NCKAP5: variants seen among roughly 807,000 people sequenced by gnomAD.
The protein encoded by NCKAP5 is NCK associated protein 5, also known as nck-associated protein 5.
NCKAP5 carries 92 observed loss-of-function variants against 167.0 expected under a neutral mutation model. The ratio of observed to expected loss-of-function variants is 0.55; its 90% CI spans 0.47 to 0.66. The LOEUF is 0.66. Ranked by LOEUF, NCKAP5 falls within the 30% of genes least tolerant of loss-of-function variation. The pLI is 0.00. For synonymous variants in NCKAP5, 891 were observed against 877.4 expected, an observed-to-expected ratio of 1.02 and a Z score of -0.27; for missense variants, 2,378 against 2,315.0, an observed-to-expected ratio of 1.03 and a Z score of -0.56.
rs1381851768 is a variant in NCKAP5, at chr2:133,356,385, A to C, written c.70-53275T>G. Among the ~76,000 whole-genome samples the C allele has an allele frequency of 1.3e-5, 2 of 152,228 alleles. 1 individual carries two copies. Among genetic ancestry groups the C allele is most frequent in the Non-Finnish European group, 2.9e-5 (2 of 68,022 alleles). On this transcript the variant is annotated intron_variant, in intron 3 of 19. Transcript: ENST00000409261. ...TGTGCAGAGATAGTAATATGAGATA[A>C]ACATGGATGATTTAAGGGAGAAACT...
At chr2:132,743,326 G>C (rs1679364812) in intron 16 of NCKAP5, among the ~76,000 whole-genome samples, 1 of 151,672 alleles carries the variant, frequency 6.6e-6, no homozygotes, top group African/African-American at 2.4e-5. Context: ...AAAGAATGGA[G>C]AACACTAGAA....
chr2:133,492,613 A>C (rs1330017438), intron 3 of NCKAP5, among the ~76,000 whole-genome samples: 1 of 152,186 alleles, frequency 6.6e-6, no homozygotes, highest in Non-Finnish European at 1.5e-5. Flanking sequence ...TAATTATTCC[A>C]AGCCTCAGTT....
intron 11 of NCKAP5, among the ~76,000 whole-genome samples, chr2:132,811,735 G>A (rs1348804667): frequency 6.6e-6 from 1 of 152,128 alleles, no homozygotes; most frequent in East Asian, 1.9e-4. Context: ...TTCTTCCCCT[G>A]CCTGTGGAGT....
At position 132,785,310 on chromosome 2, in the gene NCKAP5, T is replaced by A. The variant is rs1244256325; in HGVS notation, c.1501A>T (p.Ser501Cys). Residue 501 changes from serine to cysteine, a missense_variant, in exon 14 of 20, where the codon AGT becomes TGT. This residue lies in a region of NCKAP5 where 1,049 missense variants were observed against 1,023.4 expected (regional missense o/e 1.02). Coordinates refer to ENST00000409261, the MANE Select transcript of NCKAP5 (RefSeq NM_207363.3). ...TCGGAAACACTGTGGGTTAATTTAC[T>A]GCCATGTGGCCTGCAGCTCTGGTTT... The part of the protein sequence containing the change: ...VPNQSCRPHG[S>C]KLTHSVSDSL... 1.2e-6 allele frequency: 2 copies of A among 1,608,698 alleles called. No individual in the cohort carries two copies. The highest frequency in any genetic ancestry group is 1.7e-5 in the Admixed American group (1 of 59,422).
chr2:132,885,114 A>C (rs1692111794), intron 8 of NCKAP5, among the ~76,000 whole-genome samples: 1 of 152,342 alleles, frequency 6.6e-6, no homozygotes, highest in Admixed American at 6.5e-5. Context: ...GTGAAGTTAA[A>C]ATAATCTTGA....
intron 5 of NCKAP5, among the ~76,000 whole-genome samples, chr2:133,139,728 A>G (rs894735331): frequency 8.5e-5 from 13 of 152,168 alleles, no homozygotes; most frequent in Admixed American, 3.9e-4. Flanking sequence ...CCTCACTGTC[A>G]TTCATTAGCA....
intron 11 of NCKAP5, among the ~76,000 whole-genome samples, chr2:132,815,490 A>C (rs1686195592): frequency 6.6e-6 from 1 of 152,210 alleles, no homozygotes; most frequent in African/African-American, 2.4e-5. Context: ...TGCTCCTCAA[A>C]TACCCCATGT....
chr2:133,268,691 C>G (rs1375383152), intron 4 of NCKAP5, among the ~76,000 whole-genome samples: 2 of 152,000 alleles, frequency 1.3e-5, no homozygotes, highest in Non-Finnish European at 2.9e-5. Flanking sequence ...ACCGTGGTCT[C>G]GATCTCCTGA....
intron 4 of NCKAP5, among the ~76,000 whole-genome samples, chr2:133,237,935 A>T (rs1326102061): frequency 6.6e-6 from 1 of 152,212 alleles, no homozygotes; most frequent in Non-Finnish European, 1.5e-5. Flanking sequence ...ATGGAAAGTA[A>T]CCAAGTTAAC....
intron 3 of NCKAP5, among the ~76,000 whole-genome samples, chr2:133,482,888 G>A (rs966905437): frequency 2.0e-5 from 3 of 151,764 alleles, no homozygotes; most frequent in Non-Finnish European, 4.4e-5. Flanking sequence ...TGTCTCTCAT[G>A]TAAGGACCAC....
intron 3 of NCKAP5, among the ~76,000 whole-genome samples, chr2:133,476,441 G>A (rs965155178): frequency 7.2e-5 from 11 of 152,182 alleles, no homozygotes; most frequent in African/African-American, 2.7e-4. Flanking sequence ...GCATTGGAGA[G>A]GCCCATACCA....
At chr2:133,536,621 T>C (rs1269259564) in intron 2 of NCKAP5, among the ~76,000 whole-genome samples, 2 of 152,056 alleles carry the variant, frequency 1.3e-5, no homozygotes, top group African/African-American at 4.8e-5. Flanking sequence ...GTATTCCAAA[T>C]ATCAATTCAG....
intron 5 of NCKAP5, among the ~76,000 whole-genome samples, chr2:133,186,153 G>C (rs928328125): frequency 6.6e-6 from 1 of 151,352 alleles, no homozygotes; most frequent in African/African-American, 2.4e-5. Flanking sequence ...CTAGTCTGTT[G>C]AGGGTTTTTA....
intron 3 of NCKAP5, among the ~76,000 whole-genome samples, chr2:133,411,507 A>G (rs887198449): frequency 2.0e-5 from 3 of 152,142 alleles, no homozygotes; most frequent in Admixed American, 6.5e-5. Context: ...GGATAAATAC[A>G]CCATTCATTT....
chr2:133,119,135 C>G (rs951532072), intron 6 of NCKAP5: 1 of 152,158 alleles, frequency 6.6e-6, no homozygotes, highest in African/African-American at 2.4e-5. Flanking sequence ...TCCTGAGTAG[C>G]TGGAATTACA....
chr2:133,447,456 TCCTTCCTTTCC>T (rs1432260949), intron 3 of NCKAP5, among the ~76,000 whole-genome samples: 6 of 150,830 alleles, frequency 4.0e-5, no homozygotes, highest in African/African-American at 1.5e-4. Context: ...TCTCTCTCTC[TCCTTCCTTTCC>T]CCTTCCTTTC....
At chr2:132,810,270 T>C (rs1421427109) in intron 11 of NCKAP5, among the ~76,000 whole-genome samples, 1 of 152,218 alleles carries the variant, frequency 6.6e-6, no homozygotes, top group Non-Finnish European at 1.5e-5. Flanking sequence ...CATTTTGTGA[T>C]GAATTTCACA....
At chr2:133,147,132 A>G (rs2083226699) in intron 5 of NCKAP5, among the ~76,000 whole-genome samples, 1 of 152,176 alleles carries the variant, frequency 6.6e-6, no homozygotes, top group African/African-American at 2.4e-5. Flanking sequence ...TGGACGGACA[A>G]ACACTATTCT....
At chr2:133,667,101 C>T in the NCKAP5 span, among the ~76,000 whole-genome samples, 1 of 152,058 alleles carries the variant, frequency 6.6e-6, no homozygotes, top group Non-Finnish European at 1.5e-5. Flanking sequence ...GCCTGATTAA[C>T]ATTCAGTCTC....
Sources: gnomAD v4.1 joint callset for allele counts (sites outside exome capture counted in the v4.1 genomes callset) on GRCh38, gnomAD v4.1.1 for gene constraint, gnomAD v4.1.1 regional missense constraint, MANE v1.5 for transcripts, NCBI Gene and HGNC (gene_info 2026-07-23, HGNC 2026-07-21) for gene names.